The following SIK3 variants were observed in gnomAD, a reference collection of about 807,000 sequenced individuals.
The protein encoded by SIK3 is serine/threonine-protein kinase SIK3.
SIK3 carries 28 observed loss-of-function variants against 144.2 expected under a neutral mutation model. That is an observed-to-expected ratio of 0.19 (90% CI 0.14 to 0.27). The LOEUF (loss-of-function observed/expected upper bound fraction) is 0.27. Ranked by LOEUF, SIK3 falls within the 10% of genes least tolerant of loss-of-function variation. The pLI, the probability that SIK3 is intolerant of heterozygous loss-of-function variation, is 1.00. For missense variants in SIK3, 1,319 were observed against 1,776.0 expected (o/e 0.74, Z 4.62); for synonymous variants, 686 against 676.3 (o/e 1.01, Z -0.22).
At chr11:117,019,938 A>G (rs1207736140) in intron 1 of SIK3, among the ~76,000 whole-genome samples, 2 of 151,920 alleles carry the variant, frequency 1.3e-5, no homozygotes, top group Non-Finnish European at 2.9e-5. Flanking sequence ...AGCAAATAAA[A>G]CAGTTTATTG....
chr11:116,857,722 C>T (rs759528287), intron 21 of SIK3, 88 bp downstream of exon 21: 3 of 1,499,940 alleles, frequency 2.0e-6, no homozygotes, highest in Non-Finnish European at 2.7e-6. Context: ...CTTAGGAACA[C>T]AGAATACTAG....
At chr11:116,974,857 T>A (rs1949891336) in intron 1 of SIK3, among the ~76,000 whole-genome samples, 1 of 152,230 alleles carries the variant, frequency 6.6e-6, no homozygotes, top group Non-Finnish European at 1.5e-5. Flanking sequence ...TAATGTTAGT[T>A]AAGGAATCCA....
intron 4 of SIK3, among the ~76,000 whole-genome samples, chr11:116,921,883 AT>A: frequency 6.6e-6 from 1 of 152,290 alleles, no homozygotes; most frequent in African/African-American, 2.4e-5. Context: ...ATAAATAAGA[AT>A]TAAGCACAAA....
chr11:116,854,104 A>G (rs563905325), intron 21 of SIK3, among the ~76,000 whole-genome samples: 123 of 152,324 alleles, frequency 8.1e-4, no homozygotes, highest in African/African-American at 2.9e-3. Context: ...TCATGCCTGT[A>G]ATACCAGCAT....
chr11:116,869,725 G>T, intron 14 of SIK3: 1 of 219,678 alleles, frequency 4.6e-6, no homozygotes, highest in East Asian at 1.2e-4. Context: ...GAACAGTACA[G>T]CATGCCTGAT....
chr11:116,894,767 T>C (rs1327232889), intron 6 of SIK3, among the ~76,000 whole-genome samples: 6 of 152,188 alleles, frequency 3.9e-5, no homozygotes, highest in Non-Finnish European at 7.4e-5. Context: ...ACATGGTAGG[T>C]AGCATCTCTT....
intron 1 of SIK3, among the ~76,000 whole-genome samples, chr11:117,003,016 A>G (rs1429627867): frequency 6.6e-6 from 1 of 152,236 alleles, no homozygotes; most frequent in Admixed American, 6.5e-5. Context: ...CCTTAAGCAT[A>G]CACGCCGTGT....
At chr11:117,032,095 T>G (rs1377995798) in intron 1 of SIK3, among the ~76,000 whole-genome samples, 7 of 152,226 alleles carry the variant, frequency 4.6e-5, no homozygotes, top group South Asian at 2.1e-4. Flanking sequence ...ACAATAAGTC[T>G]TGAAATCAGG....
intron 4 of SIK3, among the ~76,000 whole-genome samples, chr11:116,904,001 T>G (rs1017318936): frequency 6.6e-6 from 1 of 152,228 alleles, no homozygotes; most frequent in Non-Finnish European, 1.5e-5. Flanking sequence ...ACAATATCTT[T>G]CATTATTTAC....
chr11:117,025,133 T>C (rs1048024294), intron 1 of SIK3, among the ~76,000 whole-genome samples: 7 of 152,126 alleles, frequency 4.6e-5, no homozygotes, highest in African/African-American at 1.2e-4. Context: ...GTGGATACTC[T>C]GGTGCAAAGC....
Position 117,075,546 on chromosome 11 carries a change from C to CT in SIK3, c.273+22596dup, listed in dbSNP as rs564984679. 2.2e-3 allele frequency among the ~76,000 whole-genome samples: 289 copies of CT among 134,056 alleles called. 2 individuals are homozygous for CT. Among genetic ancestry groups the CT allele is most frequent in the Non-Finnish European group, 3.2e-3 (205 of 63,750 alleles). 87.9% of individuals were successfully genotyped at this position (134,056 alleles called of 152,430 possible). A position where few individuals can be genotyped will look rare whatever the true frequency, so the allele number is the denominator to read the frequency against. On this transcript the variant is annotated intron_variant, in intron 1 of 24. Transcript: ENST00000445177. ...TCTATGTTATTGATTATTTTTTTTT[C>CT]TTTTTTTTTTTTTTTGAGGAATCTC...
At chr11:116,929,255 T>C (rs1947461184) in intron 3 of SIK3, among the ~76,000 whole-genome samples, 1 of 152,198 alleles carries the variant, frequency 6.6e-6, no homozygotes, top group Non-Finnish European at 1.5e-5. Flanking sequence ...CTAAACCTTG[T>C]CTAATTAAAG....
chr11:116,869,842 C>G (rs1489437685), intron 14 of SIK3: 1 of 291,126 alleles, frequency 3.4e-6, no homozygotes, highest in African/African-American at 2.2e-5. Context: ...TTTTCAATAT[C>G]TCTTTGTTGG....
intron 1 of SIK3, among the ~76,000 whole-genome samples, chr11:116,965,719 A>G (rs570333486): frequency 3.5e-5 from 5 of 143,904 alleles, no homozygotes; most frequent in African/African-American, 1.3e-4. Context: ...CATGGTGAAA[A>G]CCCGTCTCTG....
chr11:116,908,125 C>T (rs996675806), intron 4 of SIK3, among the ~76,000 whole-genome samples: 2 of 151,972 alleles, frequency 1.3e-5, no homozygotes, highest in African/African-American at 2.4e-5. Flanking sequence ...AATTTATACA[C>T]ACGTTAAACA....
intron 1 of SIK3, among the ~76,000 whole-genome samples, chr11:117,078,979 G>C (rs1954669916): frequency 7.4e-6 from 1 of 135,934 alleles, no homozygotes; most frequent in Admixed American, 7.0e-5. Flanking sequence ...CCAGAATTAA[G>C]TATGATATCC....
At chr11:117,043,931 T>C (rs1170725369) in intron 1 of SIK3, among the ~76,000 whole-genome samples, 1 of 152,242 alleles carries the variant, frequency 6.6e-6, no homozygotes, top group East Asian at 1.9e-4. Context: ...GCTTGAAGGC[T>C]ACTGCCCCAG....
chr11:116,962,133 C>A (rs144242667), intron 1 of SIK3, among the ~76,000 whole-genome samples: 1 of 152,120 alleles, frequency 6.6e-6, no homozygotes. Flanking sequence ...AAGCAAGATA[C>A]GGCAACAGAG....
intron 21 of SIK3, among the ~76,000 whole-genome samples, chr11:116,855,922 G>C (rs1269469831): frequency 2.0e-5 from 3 of 152,224 alleles, no homozygotes; most frequent in Admixed American, 6.5e-5. Flanking sequence ...GCTCAGCCGG[G>C]CGCGGTGGCT....
Sources: gnomAD v4.1 joint callset for allele counts (sites outside exome capture counted in the v4.1 genomes callset) on GRCh38, gnomAD v4.1.1 for gene constraint, MANE v1.5 for transcripts, NCBI Gene and HGNC (gene_info 2026-07-23, HGNC 2026-07-21) for gene names.